CACNA1C: variants seen among roughly 807,000 people sequenced by gnomAD.
CACNA1C encodes calcium voltage-gated channel subunit alpha1 C.
In CACNA1C, 30 loss-of-function variants were observed where a neutral mutation model predicts 229.0. The observed-to-expected ratio is 0.13, with a 90% CI of 0.10 to 0.18. The LOEUF is 0.18. Ranked by LOEUF, CACNA1C falls within the 10% of genes least tolerant of loss-of-function variation. The probability of loss-of-function intolerance (pLI) is 1.00; values close to 1 mark genes in which losing one functional copy is unlikely to be tolerated. For synonymous variants in CACNA1C, 1,114 were observed against 1,132.5 expected, an observed-to-expected ratio of 0.98 and a Z score of 0.33; for missense variants, 1,658 against 2,845.0, an observed-to-expected ratio of 0.58 and a Z score of 9.49.
chr12:2,486,284 G>C lies in CACNA1C; in HGVS notation c.916+22G>C, dbSNP rs542870156. The C allele has an allele frequency of 1.2e-5, 19 of 1,605,244 alleles. No homozygotes were observed. In the South Asian group the frequency reaches 2.1e-4, roughly 18 times the overall value. ...GCAGGTAAGAGGGGCAGGCGGCTGC[G>C]CTCCCAAGGCCCTGCCCTCTATCGC... is the stretch of plus-strand genomic sequence containing the variant. On this transcript the variant is annotated intron_variant, in intron 6 of 46. Coordinates refer to ENST00000399655, the MANE Select transcript of CACNA1C (RefSeq NM_000719.7). This position sits in a 1 kb window ranked among gnomAD's most constrained non-coding sequence, Gnocchi z 4.9.
At chr12:2,107,591 G>A (rs2079638164) in intron 1 of CACNA1C, among the ~76,000 whole-genome samples, 1 of 152,242 alleles carries the variant, frequency 6.6e-6, no homozygotes. Context: ...GGGAATGCCA[G>A]CTTCCCCATT....
intron 1 of CACNA1C, among the ~76,000 whole-genome samples, chr12:2,102,829 A>G (rs776585658): frequency 6.6e-6 from 1 of 152,168 alleles, no homozygotes; most frequent in Non-Finnish European, 1.5e-5. Flanking sequence ...GTGAGAACAC[A>G]CAGTGTTTGG....
intron 1 of CACNA1C, among the ~76,000 whole-genome samples, chr12:1,980,079 C>T (rs982795282): frequency 1.3e-5 from 2 of 152,108 alleles, no homozygotes; most frequent in African/African-American, 4.8e-5. Flanking sequence ...CTAAACAAAC[C>T]CATACACTAT....
intron 9 of CACNA1C, chr12:2,547,342 A>T (rs1312920293): frequency 5.9e-6 from 4 of 680,698 alleles, no homozygotes; most frequent in South Asian, 1.6e-5. Context: ...TGGATGTTCT[A>T]TGTGAAAGCT....
At chr12:2,477,232 G>T (rs2099634605) in intron 5 of CACNA1C, among the ~76,000 whole-genome samples, 2 of 152,192 alleles carry the variant, frequency 1.3e-5, no homozygotes, top group Non-Finnish European at 2.9e-5. Context: ...GATGACAGTG[G>T]TGATTGTCAC....
chr12:2,554,282 G>A (rs1471509542), intron 10 of CACNA1C, among the ~76,000 whole-genome samples: 1 of 152,182 alleles, frequency 6.6e-6, no homozygotes, highest in Non-Finnish European at 1.5e-5. Flanking sequence ...AGTCCTGGGT[G>A]GAGAAAGTAT....
intron 3 of CACNA1C, among the ~76,000 whole-genome samples, chr12:2,393,426 G>A (rs112797359): frequency 2.0e-4 from 30 of 152,282 alleles, no homozygotes; most frequent in African/African-American, 4.6e-4. Context: ...TAGAGTACAC[G>A]CTTCTGACTG....
Position 2,584,054 on chromosome 12 carries a change from G to C in CACNA1C, c.2225-449G>C, listed in dbSNP as rs188383224. ...CCAGATGGACCCTCCAAGGGTCTTC[G>C]TGGGTGCAGGCTCACATTAAGAGTT... On this transcript the variant is annotated intron_variant, in intron 15 of 46. Transcript: ENST00000399655. Among the ~76,000 whole-genome samples the C allele has an allele frequency of 8.3e-4, 126 of 152,326 alleles. 1 individual carries two copies. Among genetic ancestry groups the C allele is most frequent in the African/African-American group, 3.0e-3 (125 of 41,580 alleles).
intron 3 of CACNA1C, among the ~76,000 whole-genome samples, chr12:2,176,879 C>T (rs1219065691): frequency 6.6e-6 from 1 of 152,124 alleles, no homozygotes; most frequent in Non-Finnish European, 1.5e-5. Context: ...CCGTCTTTAC[C>T]ATCACTGAAG....
chr12:2,562,590 T>A (rs1322069558), intron 11 of CACNA1C, among the ~76,000 whole-genome samples: 1 of 152,178 alleles, frequency 6.6e-6, no homozygotes, highest in East Asian at 1.9e-4. Flanking sequence ...ACTTCAGAGG[T>A]CGCCTCTCAA....
intron 1 of CACNA1C, among the ~76,000 whole-genome samples, chr12:2,030,229 A>G (rs1488531336): frequency 6.6e-6 from 1 of 152,226 alleles, no homozygotes; most frequent in Admixed American, 6.5e-5. Context: ...TTAAAAAAAT[A>G]AAATCACCAT....
At chr12:1,996,438 G>A (rs2040807050) in intron 1 of CACNA1C, among the ~76,000 whole-genome samples, 1 of 151,626 alleles carries the variant, frequency 6.6e-6, no homozygotes, top group Non-Finnish European at 1.5e-5. Flanking sequence ...TCTTCCTGTT[G>A]AGACTGCCTT....
At chr12:2,240,146 A>G (rs1239251575) in intron 3 of CACNA1C, among the ~76,000 whole-genome samples, 1 of 152,224 alleles carries the variant, frequency 6.6e-6, no homozygotes, top group Non-Finnish European at 1.5e-5. Flanking sequence ...TACATGAAAC[A>G]CAAATAGCTC....
intron 3 of CACNA1C, among the ~76,000 whole-genome samples, chr12:2,445,972 A>G (rs771678335): frequency 7.2e-5 from 11 of 152,172 alleles, no homozygotes; most frequent in Non-Finnish European, 1.5e-4. Context: ...CTTTTTGACA[A>G]TGCAACTAGT....
intron 29 of CACNA1C, among the ~76,000 whole-genome samples, chr12:2,615,956 T>C (rs376092555): frequency 2.6e-5 from 4 of 152,240 alleles, no homozygotes; most frequent in African/African-American, 9.6e-5. Flanking sequence ...CCACACAGGC[T>C]CCACCTGGGC....
chr12:2,651,801 A>G lies in CACNA1C; in HGVS notation c.4074+33A>G. Reference sequence around the variant, plus strand: ...CCCCTCATGTCCTGCGGCCCGGGGAATCGCAGGGCTGCCGCGTGGCCCAGA... The same window carrying G: ...CCCCTCATGTCCTGCGGCCCGGGGAGTCGCAGGGCTGCCGCGTGGCCCAGA... On this transcript the variant is annotated intron_variant, in intron 32 of 46. Transcript: ENST00000399655. The surrounding 1 kb of genome is among the most constrained non-coding windows in gnomAD (Gnocchi z 5.4). 2.8e-6 allele frequency: 4 copies of G among 1,434,512 alleles called. No homozygotes were observed. Among genetic ancestry groups the G allele is most frequent in the Non-Finnish European group, 3.7e-6 (4 of 1,084,546 alleles). 88.9% of individuals were successfully genotyped at this position (1,434,512 alleles called of 1,614,324 possible). A position where few individuals can be genotyped will look rare whatever the true frequency, so the allele number is the denominator to read the frequency against.
intron 3 of CACNA1C, among the ~76,000 whole-genome samples, chr12:2,198,774 T>C (rs1302953057): frequency 2.0e-5 from 3 of 152,154 alleles, no homozygotes; most frequent in Non-Finnish European, 4.4e-5. Flanking sequence ...TGGTGGCTGC[T>C]GTGGCCGGCC....
rs141426381 is a variant in CACNA1C, at chr12:2,339,537, T to C, written c.478-109439T>C. Among the ~76,000 whole-genome samples, 807 of 152,360 alleles carry C rather than the reference T, an allele frequency of 5.3e-3. 14 individuals carry two copies. The highest frequency in any genetic ancestry group is 0.019 in the African/African-American group (778 of 41,576). On this transcript the variant is annotated intron_variant, in intron 3 of 46. Transcript: ENST00000399655. ...TAACTTGATGACTCTTATAATAACA[T>C]GTAGCTTAAAACACAAACACACAGC...
At chr12:2,280,565 G>A (rs575039171) in intron 3 of CACNA1C, among the ~76,000 whole-genome samples, 2 of 55,204 alleles carry the variant, frequency 3.6e-5, no homozygotes, top group East Asian at 6.5e-4. Flanking sequence ...GCTGTGCTTC[G>A]GTTTAACCTC....
Sources: allele counts gnomAD v4.1 joint callset (sites outside exome capture counted in the v4.1 genomes callset), GRCh38; gene constraint gnomAD v4.1.1; non-coding constraint Gnocchi (gnomAD v3.1); transcripts MANE v1.5; gene names NCBI Gene and HGNC (gene_info 2026-07-23, HGNC 2026-07-21).